BLTP3A: variants seen among roughly 807,000 people sequenced by gnomAD.
BLTP3A encodes bridge-like lipid transfer protein family member 3A, also known as ICBP90 binding protein 1.
chr6:34,806,512 G>A, the BLTP3A span, among the ~76,000 whole-genome samples: 1 of 152,308 alleles, frequency 6.6e-6, no homozygotes, highest in African/African-American at 2.4e-5. Context: ...AAGCGTACAT[G>A]TTGGTCAAAG....
At chr6:34,792,143 G>C in the BLTP3A span, 1 of 1,032,728 alleles carries the variant, frequency 9.7e-7, no homozygotes, top group Non-Finnish European at 1.3e-6. Context: ...GGCGGCGGCT[G>C]TGTCCGGTGC....
chr6:34,835,857 C>T, the BLTP3A span, among the ~76,000 whole-genome samples: 1 of 152,148 alleles, frequency 6.6e-6, no homozygotes, highest in Non-Finnish European at 1.5e-5. Context: ...TTAGGGAAGA[C>T]GTCCTAGAGG....
chr6:34,809,169 G>A, the BLTP3A span, among the ~76,000 whole-genome samples: 4 of 152,116 alleles, frequency 2.6e-5, no homozygotes, highest in Non-Finnish European at 5.9e-5. Context: ...GAAGTGGGAG[G>A]ATCATTTGAG....
the BLTP3A span, among the ~76,000 whole-genome samples, chr6:34,794,995 G>T: frequency 6.6e-6 from 1 of 151,852 alleles, no homozygotes; most frequent in African/African-American, 2.4e-5. Flanking sequence ...CACCATGTTG[G>T]CGAGGATGGT....
chr6:34,856,115 C>T, the BLTP3A span: 5 of 1,316,170 alleles, frequency 3.8e-6, no homozygotes, highest in Non-Finnish European at 5.2e-6. Context: ...TTTCCTTATC[C>T]TAGAGATTTC....
At chr6:34,843,450 C>T in the BLTP3A span, among the ~76,000 whole-genome samples, 28 of 152,036 alleles carry the variant, frequency 1.8e-4, no homozygotes, top group South Asian at 5.2e-3. Context: ...AAGTTATTTT[C>T]TTTTTTCTTT....
the BLTP3A span, among the ~76,000 whole-genome samples, chr6:34,821,264 C>T: frequency 1.3e-5 from 2 of 152,224 alleles, no homozygotes; most frequent in African/African-American, 2.4e-5. Context: ...CTCCCTCTGT[C>T]TGTTTTTATG....
At chr6:34,869,263 A>G in the BLTP3A span, among the ~76,000 whole-genome samples, 1 of 151,962 alleles carries the variant, frequency 6.6e-6, no homozygotes, top group Non-Finnish European at 1.5e-5. Flanking sequence ...CAGCCTCCCA[A>G]AGTGCTGGAA....
the BLTP3A span, chr6:34,872,710 C>A: frequency 3.8e-6 from 1 of 264,038 alleles, no homozygotes; most frequent in Non-Finnish European, 7.1e-6. Context: ...CCTTTTGGTC[C>A]TCTGTGTACT....
the BLTP3A span, among the ~76,000 whole-genome samples, chr6:34,805,496 G>A: frequency 6.6e-5 from 10 of 151,602 alleles, no homozygotes; most frequent in African/African-American, 2.4e-4. Flanking sequence ...GGGAGGCTGA[G>A]GCAGGAGAAT....
the BLTP3A span, among the ~76,000 whole-genome samples, chr6:34,802,643 G>T: frequency 2.0e-5 from 3 of 152,142 alleles, no homozygotes; most frequent in Non-Finnish European, 4.4e-5. Flanking sequence ...TTACAGGTGT[G>T]AGCCACCCTG....
chr6:34,868,229 C>T, the BLTP3A span, among the ~76,000 whole-genome samples: 1 of 151,450 alleles, frequency 6.6e-6, no homozygotes, highest in Non-Finnish European at 1.5e-5. Context: ...TTGCTTGAAC[C>T]CAGGAGGTGG....
chr6:34,860,707 G>A, the BLTP3A span, among the ~76,000 whole-genome samples: 3 of 152,178 alleles, frequency 2.0e-5, no homozygotes, highest in Non-Finnish European at 4.4e-5. Context: ...CTGAGGCTCA[G>A]AGAGGTAAGA....
the BLTP3A span, among the ~76,000 whole-genome samples, chr6:34,830,523 G>C: frequency 1.3e-5 from 2 of 151,834 alleles, no homozygotes; most frequent in African/African-American, 4.8e-5. Flanking sequence ...CTGGGAGGCA[G>C]ATGTTGTAGT....
At chr6:34,798,777 T>C in the BLTP3A span, among the ~76,000 whole-genome samples, 1 of 152,128 alleles carries the variant, frequency 6.6e-6, no homozygotes, top group South Asian at 2.1e-4. Flanking sequence ...ATGAAAATAA[T>C]TAGGGTTATT....
the BLTP3A span, chr6:34,823,498 A>G: frequency 1.6e-6 from 1 of 610,740 alleles, no homozygotes. Context: ...CCCAAGATCT[A>G]ATTTCAACAA....
the BLTP3A span, among the ~76,000 whole-genome samples, chr6:34,817,359 A>T: frequency 6.6e-6 from 1 of 152,240 alleles, no homozygotes; most frequent in Non-Finnish European, 1.5e-5. Context: ...AAGTTAGTTC[A>T]TACTCAGTAA....
the BLTP3A span, chr6:34,874,827 G>C: frequency 3.2e-4 from 48 of 152,230 alleles, no homozygotes; most frequent in African/African-American, 1.1e-3. Flanking sequence ...GTCTTGATCG[G>C]ATTATCTGTG....
chr6:34,864,953 G>A, the BLTP3A span, among the ~76,000 whole-genome samples: 1 of 152,004 alleles, frequency 6.6e-6, no homozygotes, highest in Admixed American at 6.6e-5. Context: ...GGGCGACAGC[G>A]AGACTCCATC....
Sources: allele counts gnomAD v4.1 joint callset (sites outside exome capture counted in the v4.1 genomes callset), GRCh38; gene constraint gnomAD v4.1.1; transcripts MANE v1.5; gene names NCBI Gene and HGNC (gene_info 2026-07-23, HGNC 2026-07-21).